The following CTDSPL2 variants were observed in gnomAD, a reference collection of about 807,000 sequenced individuals.
CTDSPL2 encodes CTD small phosphatase like 2, also known as CTD small phosphatase-like protein 2.
A neutral mutation model predicts 60.0 loss-of-function variants in CTDSPL2; 5 were observed. The ratio of observed to expected loss-of-function variants is 0.08; its 90% CI spans 0.04 to 0.18. The LOEUF (loss-of-function observed/expected upper bound fraction) is 0.18, where lower values mean the gene tolerates loss of function less well. CTDSPL2 is among the 10% of genes least tolerant of loss of function. The pLI, the probability that CTDSPL2 is intolerant of heterozygous loss-of-function variation, is 1.00. For missense variants in CTDSPL2, 370 were observed against 548.8 expected (o/e 0.67, Z 3.26); for synonymous variants, 186 against 189.3 (o/e 0.98, Z 0.14).
At chr15:44,482,276 C>T (rs1221625855) in intron 2 of CTDSPL2, among the ~76,000 whole-genome samples, 1 of 152,160 alleles carries the variant, frequency 6.6e-6, no homozygotes, top group Non-Finnish European at 1.5e-5. Flanking sequence ...GCTGAGATTA[C>T]AGGCATGTGT....
At chr15:44,443,760 GGTT>G (rs2080141634) in intron 1 of CTDSPL2, among the ~76,000 whole-genome samples, 1 of 151,922 alleles carries the variant, frequency 6.6e-6, no homozygotes, top group Non-Finnish European at 1.5e-5. Flanking sequence ...TTTTGAATCT[GGTT>G]GTTTTTTTCT....
chr15:44,481,732 C>G (rs2081030370), intron 2 of CTDSPL2, among the ~76,000 whole-genome samples: 2 of 152,104 alleles, frequency 1.3e-5, no homozygotes, highest in Admixed American at 6.6e-5. Flanking sequence ...TACCACCATG[C>G]CTGGCTAATT....
Position 44,496,374 on chromosome 15 carries a change from A to G in CTDSPL2, c.692-6A>G, listed in dbSNP as rs759164742. The G allele has an allele frequency of 3.1e-6, 5 of 1,606,302 alleles. No individual in the cohort carries two copies. The South Asian group carries it at 4.4e-5, about 14-fold the overall frequency. The stretch of plus-strand genomic sequence containing the variant: ...GCAACATTTTTTCTTTCACTATGTT[A>G]AATAGCACCAGTAACTCCAGATAGT... On this transcript the variant is annotated splice_region_variant and splice_polypyrimidine_tract_variant and intron_variant, in intron 5 of 12. Coordinates refer to ENST00000260327, the MANE Select transcript of CTDSPL2 (RefSeq NM_016396.3).
intron 1 of CTDSPL2, among the ~76,000 whole-genome samples, chr15:44,455,670 TGA>T (rs1201079019): frequency 1.3e-5 from 2 of 152,120 alleles, no homozygotes; most frequent in African/African-American, 4.8e-5. Flanking sequence ...CTACATCTAT[TGA>T]GATAATCATG....
At chr15:44,513,812 G>GT (rs1171223195) in intron 8 of CTDSPL2, among the ~76,000 whole-genome samples, 1 of 152,208 alleles carries the variant, frequency 6.6e-6, no homozygotes, top group African/African-American at 2.4e-5. Flanking sequence ...AATGTAAATA[G>GT]TTTTAATGGT....
intron 1 of CTDSPL2, among the ~76,000 whole-genome samples, chr15:44,458,136 G>A (rs532913611): frequency 6.6e-6 from 1 of 152,224 alleles, no homozygotes; most frequent in South Asian, 2.1e-4. Context: ...TTCATTTTGA[G>A]CCTCAGAATG....
chr15:44,467,285 C>T (rs1424524398), intron 2 of CTDSPL2, among the ~76,000 whole-genome samples: 2 of 152,014 alleles, frequency 1.3e-5, no homozygotes, highest in African/African-American at 4.8e-5. Context: ...TTTTGCTTAC[C>T]CTTTGTCATC....
chr15:44,440,429 C>T (rs910432545), intron 1 of CTDSPL2, among the ~76,000 whole-genome samples: 10 of 152,064 alleles, frequency 6.6e-5, no homozygotes, highest in Admixed American at 4.6e-4. Context: ...CTCCTGACCT[C>T]AGGTGATCTG....
At chr15:44,503,025 A>G (rs1411407017) in intron 8 of CTDSPL2, among the ~76,000 whole-genome samples, 1 of 152,226 alleles carries the variant, frequency 6.6e-6, no homozygotes, top group Non-Finnish European at 1.5e-5. Context: ...GGGATTAAAA[A>G]AAAACCTGAA....
intron 6 of CTDSPL2, among the ~76,000 whole-genome samples, 166 bp from the exon 7 acceptor site, chr15:44,496,861 A>AT (rs2081310007): frequency 6.6e-6 from 1 of 152,166 alleles, no homozygotes; most frequent in South Asian, 2.1e-4. Context: ...AGCTGTTACT[A>AT]TTTTACAGAG....
chr15:44,496,964 T>C, intron 6 of CTDSPL2, 63 bp from the exon 7 acceptor site: 3 of 867,396 alleles, frequency 3.5e-6, no homozygotes, highest in South Asian at 3.3e-5. Flanking sequence ...TGGGCTGAGC[T>C]TAGTAATGTT....
chr15:44,469,075 A>G (rs923045473), intron 2 of CTDSPL2, among the ~76,000 whole-genome samples: 5 of 152,112 alleles, frequency 3.3e-5, no homozygotes, highest in African/African-American at 9.7e-5. Flanking sequence ...TAATTGTTCT[A>G]TTTTATTGGT....
chr15:44,474,781 G>A (rs1046422813), intron 2 of CTDSPL2, among the ~76,000 whole-genome samples: 3 of 151,844 alleles, frequency 2.0e-5, no homozygotes, highest in South Asian at 2.1e-4. Flanking sequence ...GCTTGAACCC[G>A]GGAGGCAGAG....
chr15:44,524,712 C>T lies in CTDSPL2; in HGVS notation c.*538C>T, dbSNP rs1252090578. ...CATTATGCATTCCTTTTAGTTGAGG[C>T]GCTTCATAGTTTTCTGGAGATAGTC... On this transcript the variant is annotated 3_prime_UTR_variant, in exon 13 of 13. Coordinates refer to ENST00000260327, the MANE Select transcript of CTDSPL2 (RefSeq NM_016396.3). 5 of 152,592 alleles carry T rather than the reference C, an allele frequency of 3.3e-5. No homozygotes were observed. Among genetic ancestry groups the T allele is most frequent in the Non-Finnish European group, 2.9e-5 (2 of 68,044 alleles). 9.5% of individuals were successfully genotyped at this position (152,592 alleles called of 1,614,324 possible). A position where few individuals can be genotyped will look rare whatever the true frequency, so the allele number is the denominator to read the frequency against.
intron 5 of CTDSPL2, among the ~76,000 whole-genome samples, chr15:44,495,697 G>A (rs1290673857): frequency 1.3e-5 from 2 of 152,126 alleles, no homozygotes; most frequent in African/African-American, 4.8e-5. Context: ...ACTTTGGGAG[G>A]TTGAGGTGCA....
At chr15:44,457,581 G>A (rs1281008707) in intron 1 of CTDSPL2, among the ~76,000 whole-genome samples, 1 of 151,114 alleles carries the variant, frequency 6.6e-6, no homozygotes, top group African/African-American at 2.4e-5. Context: ...GTGTTTATTG[G>A]TGTGGCACTT....
chr15:44,484,045 T>C (rs866498602), intron 2 of CTDSPL2, among the ~76,000 whole-genome samples, 179 bp from the exon 3 acceptor site: 2 of 152,252 alleles, frequency 1.3e-5, no homozygotes, highest in Non-Finnish European at 2.9e-5. Flanking sequence ...ATTGCATTCA[T>C]GTTCTTACAG....
chr15:44,451,811 T>A (rs2080339944), intron 1 of CTDSPL2, among the ~76,000 whole-genome samples: 2 of 152,330 alleles, frequency 1.3e-5, no homozygotes, highest in Admixed American at 1.3e-4. Context: ...TGCTTAATTA[T>A]TATTTTTTCT....
In CTDSPL2 at chr15:44,476,711, G is replaced by GGAGATAATATCA. The variant is rs2080923912; in HGVS notation, c.187-7513_187-7512insGAGATAATATCA. Among the ~76,000 whole-genome samples, 3 of 152,290 alleles carry GGAGATAATATCA rather than the reference G, an allele frequency of 2.0e-5. No individual in the cohort carries two copies. The South Asian group carries it at 6.2e-4, about 32-fold the overall frequency. ...GGTTGCCTAGAGCGATAGGTGTGTG[G>GGAGATAATATCA]TAGATAATATCATCTTGGTTTGTGT... is the stretch of plus-strand genomic sequence containing the variant. On this transcript the variant is annotated intron_variant, in intron 2 of 12. Coordinates refer to ENST00000260327, the MANE Select transcript of CTDSPL2 (RefSeq NM_016396.3).
Sources: allele counts gnomAD v4.1 joint callset (sites outside exome capture counted in the v4.1 genomes callset), GRCh38; gene constraint gnomAD v4.1.1; transcripts MANE v1.5; gene names NCBI Gene and HGNC (gene_info 2026-07-23, HGNC 2026-07-21).